ADAMTS2: variants seen among roughly 807,000 people sequenced by gnomAD.
ADAMTS2 encodes the protein A disintegrin and metalloproteinase with thrombospondin motifs 2.
A neutral mutation model predicts 123.0 loss-of-function variants in ADAMTS2; 50 were observed. That is an observed-to-expected ratio of 0.41 (90% CI 0.32 to 0.51). ADAMTS2 has a LOEUF of 0.51. Among genes scored for constraint, ADAMTS2 ranks in the 20% least tolerant of loss-of-function variants. ADAMTS2 has a pLI of 0.35. For missense variants in ADAMTS2, 1,494 were observed against 1,705.2 expected, an observed-to-expected ratio of 0.88 and a Z score of 2.18; for synonymous variants, 678 against 695.4, an observed-to-expected ratio of 0.98 and a Z score of 0.39.
At chr5:179,127,318 C>A (rs1042091574) in intron 17 of ADAMTS2, among the ~76,000 whole-genome samples, 1 of 152,154 alleles carries the variant, frequency 6.6e-6, no homozygotes, top group African/African-American at 2.4e-5. Flanking sequence ...TCTGCCTGGG[C>A]CAGGGAGTGA....
chr5:179,148,947 G>A (rs3797596), intron 10 of ADAMTS2, among the ~76,000 whole-genome samples: 1 of 104,176 alleles, frequency 9.6e-6, no homozygotes, highest in African/African-American at 3.7e-5. Flanking sequence ...CCCCTGGGGG[G>A]TCCTAGCCAT....
Position 179,113,716 on chromosome 5 carries a change from T to C in ADAMTS2, c.*151A>G. 1.2e-6 allele frequency: 1 copy of C among 806,608 alleles called. No homozygotes were observed. The highest frequency in any genetic ancestry group is 1.7e-5 in the African/African-American group (1 of 58,362). 50.0% of individuals were successfully genotyped at this position (806,608 alleles called of 1,614,324 possible). A position where few individuals can be genotyped will look rare whatever the true frequency, so the allele number is the denominator to read the frequency against. ...AACCTAGTTACCACATGCTCATGCCTATCTTTCTTACGTCATTCCCCCTCT... is the reference window on the plus strand; with the variant it reads ...AACCTAGTTACCACATGCTCATGCCCATCTTTCTTACGTCATTCCCCCTCT... On this transcript the variant is annotated 3_prime_UTR_variant, in exon 22 of 22. Transcript: ENST00000251582.
At chr5:179,240,569 G>A (rs558050606) in intron 3 of ADAMTS2, among the ~76,000 whole-genome samples, 21 of 152,324 alleles carry the variant, frequency 1.4e-4, no homozygotes, top group Admixed American at 9.8e-4. Context: ...TATAGGGGCC[G>A]CTGGCAAAAG....
chr5:179,240,708 C>T (rs142824354), intron 3 of ADAMTS2, among the ~76,000 whole-genome samples: 72 of 152,306 alleles, frequency 4.7e-4, no homozygotes, highest in South Asian at 4.6e-3. Context: ...GTTCCCGTGA[C>T]GCGTGTCAGT....
At chr5:179,295,637 G>A (rs543219156) in intron 2 of ADAMTS2, among the ~76,000 whole-genome samples, 16 of 152,274 alleles carry the variant, frequency 1.1e-4, no homozygotes, top group South Asian at 8.3e-4. Context: ...TGAAGCACAC[G>A]GGTGAGCCAG....
chr5:179,209,377 G>A, intron 3 of ADAMTS2, among the ~76,000 whole-genome samples: 1 of 152,200 alleles, frequency 6.6e-6, no homozygotes, highest in East Asian at 1.9e-4. Context: ...GACAGTGGAG[G>A]TGCGAGGCGG....
At position 179,180,143 on chromosome 5, in the gene ADAMTS2, T is replaced by C. The variant is rs1181954452; in HGVS notation, c.975+929A>G. 1.3e-5 allele frequency among the ~76,000 whole-genome samples: 2 copies of C among 152,148 alleles called. 1 individual carries two copies. Among genetic ancestry groups the C allele is most frequent in the South Asian group, 4.1e-4 (2 of 4,830 alleles). On this transcript the variant is annotated intron_variant, in intron 5 of 21. Coordinates refer to ENST00000251582, the MANE Select transcript of ADAMTS2 (RefSeq NM_014244.5). This position sits in a 1 kb window ranked among gnomAD's most constrained non-coding sequence, Gnocchi z 4.6. ...ATTAAGGGCATTCATCCATACAAAG[T>C]GCTTCCCACACGGCTGGTACAGGCA...
At chr5:179,166,317 G>T (rs879820164) in intron 5 of ADAMTS2, among the ~76,000 whole-genome samples, 1 of 152,172 alleles carries the variant, frequency 6.6e-6, no homozygotes, top group Non-Finnish European at 1.5e-5. Flanking sequence ...GGCCCGGGCT[G>T]GAAAGGGTCT....
At position 179,202,619 on chromosome 5, in the gene ADAMTS2, G is replaced by A. The variant is rs182519268; in HGVS notation, c.891+4894C>T. Among the ~76,000 whole-genome samples the A allele has an allele frequency of 5.2e-4, 79 of 152,192 alleles. No homozygotes were observed. The highest frequency in any genetic ancestry group is 1.8e-3 in the African/African-American group (76 of 41,520). On this transcript the variant is annotated intron_variant, in intron 4 of 21. Coordinates refer to ENST00000251582, the MANE Select transcript of ADAMTS2 (RefSeq NM_014244.5). The surrounding 1 kb of genome is among the most constrained non-coding windows in gnomAD (Gnocchi z 4.0). ...TATAATAGACGCCCCATAAACACCG[G>A]CCCCCGTATGAACGGCAGCCAGGGG...
rs1765700965 is a variant in ADAMTS2, at chr5:179,242,870, A to C, written c.688+30041T>G. Among the ~76,000 whole-genome samples, 1 of 152,168 alleles carries C rather than the reference A, an allele frequency of 6.6e-6. No homozygotes were observed. Among genetic ancestry groups the C allele is most frequent in the Non-Finnish European group, 1.5e-5 (1 of 68,028 alleles). Reference sequence around the variant, plus strand: ...TAACTCCCTGCTGAGTGTGACCGAAAGGCCGGAGCACCTTCCTCCACCCAG... The same window carrying C: ...TAACTCCCTGCTGAGTGTGACCGAACGGCCGGAGCACCTTCCTCCACCCAG... On this transcript the variant is annotated intron_variant, in intron 3 of 21. Coordinates refer to ENST00000251582, the MANE Select transcript of ADAMTS2 (RefSeq NM_014244.5). The surrounding 1 kb of genome is among the most constrained non-coding windows in gnomAD (Gnocchi z 4.2).
At chr5:179,295,225 T>C (rs1452177138) in intron 2 of ADAMTS2, among the ~76,000 whole-genome samples, 1 of 152,142 alleles carries the variant, frequency 6.6e-6, no homozygotes, top group East Asian at 1.9e-4. Context: ...CAGGCTGATG[T>C]TCTGGGCTGG....
intron 5 of ADAMTS2, among the ~76,000 whole-genome samples, chr5:179,178,078 T>C (rs1384749034): frequency 6.6e-6 from 1 of 152,230 alleles, no homozygotes; most frequent in African/African-American, 2.4e-5. Context: ...GTTTCCCATT[T>C]TTGGAAACTT....
intron 3 of ADAMTS2, among the ~76,000 whole-genome samples, chr5:179,257,086 G>A (rs1334497050): frequency 2.0e-5 from 3 of 152,186 alleles, no homozygotes; most frequent in Non-Finnish European, 4.4e-5. Flanking sequence ...TGGTCCCCGG[G>A]GTCTCTGTCA....
chr5:179,181,045 A>C lies in ADAMTS2; in HGVS notation c.975+27T>G, dbSNP rs750407270. The C allele has an allele frequency of 6.3e-7, 1 of 1,591,962 alleles. No individual in the cohort carries two copies. The highest frequency in any genetic ancestry group is 8.6e-7 in the Non-Finnish European group (1 of 1,160,274). On this transcript the variant is annotated intron_variant, in intron 5 of 21. Transcript: ENST00000251582. The surrounding 1 kb of genome is among the most constrained non-coding windows in gnomAD (Gnocchi z 4.1). The stretch of plus-strand genomic sequence containing the variant: ...CCCCTCACTCCGAGGGGGTGGAGGC[A>C]GGCCCGGCTGGCCACAGTGCACTCA...
chr5:179,266,024 C>G (rs1226125032), intron 3 of ADAMTS2, among the ~76,000 whole-genome samples: 1 of 152,220 alleles, frequency 6.6e-6, no homozygotes, highest in African/African-American at 2.4e-5. Context: ...GAGAGAGCAC[C>G]TATCACCACG....
intron 9 of ADAMTS2, among the ~76,000 whole-genome samples, chr5:179,152,747 C>T (rs3776817): frequency 0.28 from 43,236 of 151,882 alleles, 6,288 homozygotes; most frequent in African/African-American, 0.35. Context: ...CAGACGTGGC[C>T]CTGAGCCTCC....
chr5:179,218,054 T>C (rs467419), intron 3 of ADAMTS2, among the ~76,000 whole-genome samples: 54,363 of 152,134 alleles, frequency 0.36, 11,052 homozygotes, highest in African/African-American at 0.57. Flanking sequence ...ATGACCGCCC[T>C]GCAGAGCCAG....
chr5:179,251,941 T>C lies in ADAMTS2; in HGVS notation c.688+20970A>G, dbSNP rs1765935797. ...ATCTGGCAACACTGACCCCGAATCT[T>C]CCTAACAGCAACAATGATCAGAACT... On this transcript the variant is annotated intron_variant, in intron 3 of 21. Transcript: ENST00000251582. Among the ~76,000 whole-genome samples, 7 of 152,032 alleles carry C rather than the reference T, an allele frequency of 4.6e-5. No individual in the cohort carries two copies. The South Asian group carries it at 1.5e-3, about 32-fold the overall frequency.
At chr5:179,174,818 GT>G (rs1458882504) in intron 5 of ADAMTS2, among the ~76,000 whole-genome samples, 2 of 151,086 alleles carry the variant, frequency 1.3e-5, no homozygotes, top group African/African-American at 4.9e-5. Flanking sequence ...CCTTGCTTGG[GT>G]TCCGCAGCTG....
Sources: allele counts gnomAD v4.1 joint callset (sites outside exome capture counted in the v4.1 genomes callset), GRCh38; gene constraint gnomAD v4.1.1; non-coding constraint Gnocchi (gnomAD v3.1); transcripts MANE v1.5; gene names NCBI Gene and HGNC (gene_info 2026-07-23, HGNC 2026-07-21).